The following TENM3 variants were observed in gnomAD, a reference collection of about 807,000 sequenced individuals.
TENM3 encodes the protein teneurin-3.
A neutral mutation model predicts 255.1 loss-of-function variants in TENM3; 63 were observed. That is an observed-to-expected ratio of 0.25 (90% CI 0.20 to 0.30). The LOEUF (loss-of-function observed/expected upper bound fraction) is 0.30. Ranked by LOEUF, TENM3 falls within the 10% of genes least tolerant of loss-of-function variation. TENM3 has a pLI of 1.00. For synonymous variants in TENM3, 1,306 were observed against 1,322.3 expected (o/e 0.99, Z 0.27); for missense variants, 2,929 against 3,461.1 (o/e 0.85, Z 3.86).
intron 1 of TENM3, among the ~76,000 whole-genome samples, chr4:182,225,396 C>G (rs907993299): frequency 1.3e-5 from 2 of 152,094 alleles, no homozygotes; most frequent in Admixed American, 1.3e-4. Context: ...GCCTGGGGCC[C>G]TTGGGGATTT....
At chr4:181,748,690 G>C in the TENM3 span, among the ~76,000 whole-genome samples, 1 of 151,886 alleles carries the variant, frequency 6.6e-6, no homozygotes, top group African/African-American at 2.4e-5. Flanking sequence ...AAATATGTTC[G>C]ATTGGATAAT....
chr4:182,757,012 G>A (rs763171498), intron 22 of TENM3, among the ~76,000 whole-genome samples: 8 of 152,102 alleles, frequency 5.3e-5, no homozygotes, highest in Non-Finnish European at 8.8e-5. Context: ...GAGCTGCTCT[G>A]ATTCTAAGAT....
intron 4 of TENM3, among the ~76,000 whole-genome samples, chr4:182,613,857 G>A (rs1749235055): frequency 6.6e-6 from 1 of 152,148 alleles, no homozygotes; most frequent in Non-Finnish European, 1.5e-5. Context: ...ATTACTAATA[G>A]GTCATATTAA....
At chr4:181,948,571 A>G in the TENM3 span, among the ~76,000 whole-genome samples, 243 of 152,156 alleles carry the variant, frequency 1.6e-3, 12 homozygotes, top group South Asian at 0.049. Context: ...GCACGCCACC[A>G]TGCCTGAGTA....
At chr4:182,261,806 T>G (rs1758811446) in intron 1 of TENM3, among the ~76,000 whole-genome samples, 1 of 152,198 alleles carries the variant, frequency 6.6e-6, no homozygotes, top group African/African-American at 2.4e-5. Flanking sequence ...ACATATTACG[T>G]CGTCTATGCA....
rs564201780 is a variant in TENM3, at chr4:182,170,667, G to A, written c.-76+25913G>A. On this transcript the variant is annotated intron_variant, in intron 1 of 2. Transcript: ENST00000512480. ...TAGTGTATAATTATTACATCTAATA[G>A]CAATCTGAAGTCTGCAAGCATTTTG... Among the ~76,000 whole-genome samples, 49 of 152,172 alleles carry A rather than the reference G, an allele frequency of 3.2e-4. 2 individuals carry two copies. The highest frequency in any genetic ancestry group is 1.1e-3 in the African/African-American group (47 of 41,536).
At chr4:182,683,566 A>C (rs1756334992) in intron 11 of TENM3, among the ~76,000 whole-genome samples, 1 of 152,236 alleles carries the variant, frequency 6.6e-6, no homozygotes, top group Non-Finnish European at 1.5e-5. Flanking sequence ...AATTGTGAGA[A>C]ATATCATTAT....
At chr4:181,615,557 A>C in the TENM3 span, among the ~76,000 whole-genome samples, 2 of 152,162 alleles carry the variant, frequency 1.3e-5, no homozygotes, top group Non-Finnish European at 2.9e-5. Flanking sequence ...ATTATTTCAG[A>C]GGAAAGCAAA....
At chr4:182,527,327 G>T (rs1200647140) in intron 3 of TENM3, among the ~76,000 whole-genome samples, 1 of 152,122 alleles carries the variant, frequency 6.6e-6, no homozygotes, top group Non-Finnish European at 1.5e-5. Flanking sequence ...AATAAATTAT[G>T]ACGCGGTTGT....
At chr4:182,021,404 C>A in the TENM3 span, among the ~76,000 whole-genome samples, 1 of 152,090 alleles carries the variant, frequency 6.6e-6, no homozygotes, top group Non-Finnish European at 1.5e-5. Flanking sequence ...CATCCTGGGC[C>A]TTTGCGTATC....
At chr4:182,464,489 T>A (rs1408859288) in intron 3 of TENM3, among the ~76,000 whole-genome samples, 3 of 152,156 alleles carry the variant, frequency 2.0e-5, no homozygotes, top group Non-Finnish European at 2.9e-5. Context: ...ACTCCTGACC[T>A]CAGGTGATCC....
At chr4:181,732,122 C>A in the TENM3 span, among the ~76,000 whole-genome samples, 1 of 152,146 alleles carries the variant, frequency 6.6e-6, no homozygotes, top group Non-Finnish European at 1.5e-5. Context: ...ATTCAGTGTT[C>A]CAATTTGCTT....
chr4:182,779,776 T>A (rs1765016662), intron 24 of TENM3, among the ~76,000 whole-genome samples: 2 of 152,192 alleles, frequency 1.3e-5, no homozygotes, highest in African/African-American at 2.4e-5. Flanking sequence ...TGGTATCTCA[T>A]TGTGGTTTTG....
At chr4:182,172,801 C>T (rs1035176221) in intron 1 of TENM3, among the ~76,000 whole-genome samples, 1 of 151,908 alleles carries the variant, frequency 6.6e-6, no homozygotes, top group Non-Finnish European at 1.5e-5. Flanking sequence ...AAACATTTAC[C>T]AGGGTGGTAA....
At chr4:182,576,376 G>T (rs1744919617) in intron 3 of TENM3, among the ~76,000 whole-genome samples, 1 of 152,076 alleles carries the variant, frequency 6.6e-6, no homozygotes, top group Non-Finnish European at 1.5e-5. Flanking sequence ...AAAAGGAGAG[G>T]TAATGCAAAT....
At chr4:182,629,813 G>A (rs1751186039) in intron 5 of TENM3, among the ~76,000 whole-genome samples, 1 of 152,142 alleles carries the variant, frequency 6.6e-6, no homozygotes, top group Non-Finnish European at 1.5e-5. Flanking sequence ...TTCTGCAGTG[G>A]ACCAGTATCT....
the TENM3 span, among the ~76,000 whole-genome samples, chr4:181,567,362 T>C: frequency 1.3e-5 from 2 of 152,224 alleles, no homozygotes; most frequent in African/African-American, 2.4e-5. Flanking sequence ...CTTGCAAATG[T>C]AGAAACTTTA....
At chr4:182,244,270 TAAAACA>T (rs1220488638) in intron 1 of TENM3, among the ~76,000 whole-genome samples, 1 of 152,134 alleles carries the variant, frequency 6.6e-6, no homozygotes, top group Non-Finnish European at 1.5e-5. Flanking sequence ...TGTTTTCTAT[TAAAACA>T]TATAACCCAG....
chr4:181,910,558 CATAT>C, the TENM3 span, among the ~76,000 whole-genome samples: 304 of 141,840 alleles, frequency 2.1e-3, 2 homozygotes, highest in African/African-American at 7.4e-3. Flanking sequence ...AAAGTGTATA[CATAT>C]ATATATATAT....
Sources: allele counts gnomAD v4.1 joint callset (sites outside exome capture counted in the v4.1 genomes callset), GRCh38; gene constraint gnomAD v4.1.1; transcripts MANE v1.5; gene names NCBI Gene and HGNC (gene_info 2026-07-23, HGNC 2026-07-21).